Variants in UBP1 observed in about 807,000 individuals in gnomAD.
UBP1 encodes upstream-binding protein 1.
A neutral mutation model predicts 76.1 loss-of-function variants in UBP1; 22 were observed. That is an observed-to-expected ratio of 0.29 (90% CI 0.21 to 0.41). The LOEUF is 0.41. UBP1 is among the 10% of genes least tolerant of loss of function. UBP1 has a pLI of 1.00. For missense variants in UBP1, 436 were observed against 668.1 expected (o/e 0.65, Z 3.83); for synonymous variants, 224 against 237.1 (o/e 0.94, Z 0.51).
At chr3:33,411,887 A>T (rs1045037586) in intron 4 of UBP1, among the ~76,000 whole-genome samples, 200 bp from the exon 5 acceptor site, 3 of 151,772 alleles carry the variant, frequency 2.0e-5, no homozygotes, top group African/African-American at 7.3e-5. Flanking sequence ...TTTGTATTTC[A>T]TTTTTTTTAA....
chr3:33,400,675 G>A (rs565549050), intron 10 of UBP1, among the ~76,000 whole-genome samples: 1 of 152,112 alleles, frequency 6.6e-6, no homozygotes, highest in Admixed American at 6.5e-5. Context: ...GGAAGAATGG[G>A]TGAGGGATAA....
intron 13 of UBP1, 147 bp from the exon 14 acceptor site, chr3:33,393,601 T>C (rs1010524335): frequency 1.7e-5 from 11 of 659,054 alleles, no homozygotes; most frequent in Admixed American, 1.2e-4. Context: ...AACTATTTCT[T>C]TCCCCCATCT....
chr3:33,406,335 C>T (rs1447111342), intron 8 of UBP1, among the ~76,000 whole-genome samples: 1 of 152,168 alleles, frequency 6.6e-6, no homozygotes, highest in East Asian at 1.9e-4. Flanking sequence ...TTTGATGAAC[C>T]CAAGACCCTG....
chr3:33,439,235 T>G (rs2045248454), intron 1 of UBP1, among the ~76,000 whole-genome samples: 1 of 152,206 alleles, frequency 6.6e-6, no homozygotes, highest in Non-Finnish European at 1.5e-5. Context: ...ACAGTGCTAC[T>G]CCCACCGCTG....
intron 2 of UBP1, 40 bp downstream of exon 2, chr3:33,425,550 G>A: frequency 6.8e-7 from 1 of 1,474,384 alleles, no homozygotes; most frequent in South Asian, 1.5e-5. Context: ...TTGTATTTCT[G>A]TAAATTCTTA....
intron 3 of UBP1, among the ~76,000 whole-genome samples, chr3:33,416,352 G>A (rs975472052): frequency 2.0e-5 from 3 of 152,180 alleles, no homozygotes; most frequent in Non-Finnish European, 4.4e-5. Context: ...TAGGATGACT[G>A]ACTTCTTCAT....
At chr3:33,426,870 G>A (rs562137693) in intron 1 of UBP1, among the ~76,000 whole-genome samples, 3 of 152,280 alleles carry the variant, frequency 2.0e-5, no homozygotes, top group African/African-American at 7.2e-5. Context: ...GAATCATGCT[G>A]CTATGAACAC....
At chr3:33,404,226 C>T (rs1308397265) in intron 8 of UBP1, among the ~76,000 whole-genome samples, 1 of 152,178 alleles carries the variant, frequency 6.6e-6, no homozygotes, top group Non-Finnish European at 1.5e-5. Context: ...TCCTGGCTAA[C>T]ATGGTGACAC....
intron 13 of UBP1, among the ~76,000 whole-genome samples, chr3:33,395,081 C>A (rs1300333671): frequency 2.0e-5 from 3 of 152,112 alleles, no homozygotes; most frequent in Non-Finnish European, 4.4e-5. Flanking sequence ...ATAATCTTGG[C>A]CATATCTAAG....
Position 33,429,353 on chromosome 3 carries a change from A to AT in UBP1, c.114-3613dup, listed in dbSNP as rs568312502. Among the ~76,000 whole-genome samples the AT allele has an allele frequency of 8.7e-3, 1,261 of 145,422 alleles. 22 individuals carry two copies. Among genetic ancestry groups the AT allele is most frequent in the Middle Eastern group, 0.031 (9 of 288 alleles). ...GGAACTAAAAGTAGGGTGTTTCTTT[A>AT]TTTTTTTTTTTTTAAGACAGGGTCT... On this transcript the variant is annotated intron_variant, in intron 1 of 15. Coordinates refer to ENST00000283629, the MANE Select transcript of UBP1 (RefSeq NM_014517.5).
chr3:33,439,681 G>A lies in UBP1; in HGVS notation c.113+55C>T, dbSNP rs2045259157. On this transcript the variant is annotated intron_variant, in intron 1 of 15. Coordinates refer to ENST00000283629, the MANE Select transcript of UBP1 (RefSeq NM_014517.5). ...CCGCATCTGGCAGAGACTCAGGGCTGCGCAGGCCTTCCCCAAGGAGACAGA... is the reference window on the plus strand; with the variant it reads ...CCGCATCTGGCAGAGACTCAGGGCTACGCAGGCCTTCCCCAAGGAGACAGA... The A allele has an allele frequency of 9.5e-6, 15 of 1,581,622 alleles. No individual in the cohort carries two copies. In the South Asian group the frequency reaches 1.3e-4, roughly 14 times the overall value.
chr3:33,396,270 G>T lies in UBP1; in HGVS notation c.1282C>A (p.Pro428Thr). The T allele has an allele frequency of 6.3e-7, 1 of 1,578,574 alleles. No individual in the cohort carries two copies. Among genetic ancestry groups the T allele is most frequent in the Non-Finnish European group, 8.7e-7 (1 of 1,151,854 alleles). Reference sequence around the variant, plus strand: ...CGGCAGACATAGATGGTTAAACGGGGTCTAACCGACCTGCAATCAGAAGAT... The same window carrying T: ...CGGCAGACATAGATGGTTAAACGGGTTCTAACCGACCTGCAATCAGAAGAT... ...YNSLKSRSVR[P>T]RLTIYVCREQ... Residue 428 changes from proline (P) to threonine (T), a missense_variant, in exon 13 of 16, where the codon CCC becomes ACC. Physicochemically the swap from Pro to Thr is conservative, Grantham distance 38. Transcript: ENST00000283629.
At chr3:33,402,731 G>A (rs1169733455) in intron 9 of UBP1, 70 bp downstream of exon 9, 1 of 1,145,732 alleles carries the variant, frequency 8.7e-7, no homozygotes, top group East Asian at 2.8e-5. Flanking sequence ...TGCTGTACAT[G>A]GAGAGATGGG....
At chr3:33,430,016 A>G (rs1221190461) in intron 1 of UBP1, among the ~76,000 whole-genome samples, 1 of 152,252 alleles carries the variant, frequency 6.6e-6, no homozygotes, top group African/African-American at 2.4e-5. Context: ...TAGAAAAAAC[A>G]ACATAGAGAA....
At chr3:33,404,781 T>C (rs1336040806) in intron 8 of UBP1, among the ~76,000 whole-genome samples, 1 of 152,196 alleles carries the variant, frequency 6.6e-6, no homozygotes, top group Non-Finnish European at 1.5e-5. Flanking sequence ...TGAAATAATC[T>C]AGTAGATCAC....
chr3:33,390,909 T>C (rs1021746509), intron 15 of UBP1: 4 of 146,184 alleles, frequency 2.7e-5, no homozygotes, highest in Admixed American at 6.8e-5. Flanking sequence ...CGACAAAGTT[T>C]AAAAAAAAAA....
intron 8 of UBP1, among the ~76,000 whole-genome samples, chr3:33,406,370 T>C (rs2044427876): frequency 6.6e-6 from 1 of 152,238 alleles, no homozygotes; most frequent in African/African-American, 2.4e-5. Context: ...AATCTAATCA[T>C]GGGTATCACA....
rs200249392 is a variant in UBP1, at chr3:33,431,743, GAA to G, written c.114-6004_114-6003del. Among the ~76,000 whole-genome samples, 34 of 114,550 alleles carry G rather than the reference GAA, an allele frequency of 3.0e-4. No homozygotes were observed. The East Asian group carries it at 6.0e-3, about 20-fold the overall frequency. 75.1% of individuals were successfully genotyped at this position (114,550 alleles called of 152,430 possible). A position where few individuals can be genotyped will look rare whatever the true frequency, so the allele number is the denominator to read the frequency against. ...CGACAGAGTGAGACTCCGTCTCAAA[GAA>G]AAAAAAAAAAAACGAAAAAAGACAG... On this transcript the variant is annotated intron_variant, in intron 1 of 15. Transcript: ENST00000283629.
chr3:33,404,915 T>C (rs763820928), intron 8 of UBP1, among the ~76,000 whole-genome samples: 7 of 152,224 alleles, frequency 4.6e-5, no homozygotes, highest in Non-Finnish European at 7.3e-5. Context: ...TATTCTATCC[T>C]GTCTCATCAT....
Sources: allele counts gnomAD v4.1 joint callset (sites outside exome capture counted in the v4.1 genomes callset), GRCh38; gene constraint gnomAD v4.1.1; transcripts MANE v1.5; gene names NCBI Gene and HGNC (gene_info 2026-07-23, HGNC 2026-07-21).